The following COL24A1 variants were observed in gnomAD, a reference collection of about 807,000 sequenced individuals.
The protein encoded by COL24A1 is collagen alpha-1(XXIV) chain.
A neutral mutation model predicts 253.9 loss-of-function variants in COL24A1; 224 were observed. The ratio of observed to expected loss-of-function variants is 0.88; its 90% CI spans 0.79 to 0.99. The LOEUF is 0.99. Ranked by LOEUF, COL24A1 falls within the 50% of genes least tolerant of loss-of-function variation. The pLI is 0.00. For missense variants in COL24A1, 2,131 were observed against 2,068.5 expected, an observed-to-expected ratio of 1.03 and a Z score of -0.59; for synonymous variants, 685 against 673.7, an observed-to-expected ratio of 1.02 and a Z score of -0.26.
intron 41 of COL24A1, 75 bp downstream of exon 41, chr1:85,841,993 C>A: frequency 7.8e-7 from 1 of 1,290,070 alleles, no homozygotes; most frequent in Non-Finnish European, 1.1e-6. Context: ...GAAAATTTTT[C>A]CATGCAGTCT....
chr1:85,816,682 A>C, intron 47 of COL24A1, 106 bp downstream of exon 47: 1 of 907,252 alleles, frequency 1.1e-6, no homozygotes, highest in Non-Finnish European at 1.8e-6. Context: ...AACTGGCTTA[A>C]TCTGAGCCAA....
intron 1 of COL24A1, among the ~76,000 whole-genome samples, chr1:86,153,034 A>C (rs1487842801): frequency 6.6e-6 from 1 of 152,100 alleles, no homozygotes; most frequent in Non-Finnish European, 1.5e-5. Context: ...CTTCCCTAGA[A>C]TGTGTACTCC....
At chr1:85,830,568 A>T (rs1237104083) in intron 43 of COL24A1, among the ~76,000 whole-genome samples, 1 of 152,122 alleles carries the variant, frequency 6.6e-6, no homozygotes, top group African/African-American at 2.4e-5. Context: ...GCTAGCAATC[A>T]GCGAGACTCC....
intron 43 of COL24A1, among the ~76,000 whole-genome samples, chr1:85,824,604 T>A (rs1674019398): frequency 6.6e-6 from 1 of 152,174 alleles, no homozygotes; most frequent in Non-Finnish European, 1.5e-5. Context: ...AAACACCACA[T>A]GACTCTGACA....
chr1:85,880,319 G>T lies in COL24A1; in HGVS notation c.2977-3144C>A, dbSNP rs1474516694. 3.9e-5 allele frequency among the ~76,000 whole-genome samples: 6 copies of T among 151,974 alleles called. No individual in the cohort carries two copies. The East Asian group carries it at 1.2e-3, about 29-fold the overall frequency. On this transcript the variant is annotated intron_variant, in intron 32 of 59. Coordinates refer to ENST00000370571, the MANE Select transcript of COL24A1 (RefSeq NM_152890.7). ...TCATTTTAAATTCCAATTGCTCATTGCTGTTAATATAGAAAAGCAATTGAC... is the reference window on the plus strand; with the variant it reads ...TCATTTTAAATTCCAATTGCTCATTTCTGTTAATATAGAAAAGCAATTGAC...
chr1:85,925,439 T>C (rs1687077812), intron 24 of COL24A1, among the ~76,000 whole-genome samples: 3 of 152,136 alleles, frequency 2.0e-5, no homozygotes, highest in African/African-American at 7.2e-5. Flanking sequence ...AAGGCTACAG[T>C]AACCAAAACA....
intron 47 of COL24A1, among the ~76,000 whole-genome samples, chr1:85,813,292 A>T (rs918374145): frequency 4.6e-5 from 7 of 152,026 alleles, no homozygotes; most frequent in African/African-American, 1.7e-4. Context: ...GAGTGGGGAT[A>T]AAAAGAAGTC....
At chr1:86,153,253 A>G (rs78653115) in intron 1 of COL24A1, among the ~76,000 whole-genome samples, 7,455 of 138,868 alleles carry the variant, frequency 0.054, 254 homozygotes, top group Middle Eastern at 0.089. Flanking sequence ...TCATGTATAT[A>G]TCCTCCTCTC....
chr1:86,018,091 T>C (rs1697158281), intron 18 of COL24A1, among the ~76,000 whole-genome samples: 1 of 152,226 alleles, frequency 6.6e-6, no homozygotes. Context: ...TAGTCTGATA[T>C]ATCCATTTTC....
chr1:86,059,570 A>C (rs1177555823), intron 8 of COL24A1, among the ~76,000 whole-genome samples: 2 of 152,180 alleles, frequency 1.3e-5, no homozygotes, highest in Non-Finnish European at 2.9e-5. Context: ...CAGAAGACTA[A>C]GAGGGGCAGT....
chr1:85,898,615 T>C (rs900910328), intron 28 of COL24A1, among the ~76,000 whole-genome samples: 1 of 152,238 alleles, frequency 6.6e-6, no homozygotes, highest in East Asian at 1.9e-4. Context: ...CTTAATTTCA[T>C]AGATCAGTAT....
At chr1:85,764,047 C>G (rs527281071) in intron 53 of COL24A1, among the ~76,000 whole-genome samples, 2 of 151,888 alleles carry the variant, frequency 1.3e-5, no homozygotes, top group Non-Finnish European at 2.9e-5. Flanking sequence ...ATGTCATTTC[C>G]TTTATGTCAT....
chr1:85,982,560 C>T (rs1488443798), intron 20 of COL24A1, among the ~76,000 whole-genome samples: 1 of 151,662 alleles, frequency 6.6e-6, no homozygotes, highest in East Asian at 1.9e-4. Context: ...TATCTCTCAT[C>T]CCTCGGCTCC....
In COL24A1 at chr1:86,088,011, G is replaced by T. The variant is rs138932536; in HGVS notation, c.1707+1163C>A. Among the ~76,000 whole-genome samples, 14 of 152,292 alleles carry T rather than the reference G, an allele frequency of 9.2e-5. No individual in the cohort carries two copies. In the East Asian group the frequency reaches 2.7e-3, roughly 29 times the overall value. On this transcript the variant is annotated intron_variant, in intron 7 of 59. Coordinates refer to ENST00000370571, the MANE Select transcript of COL24A1 (RefSeq NM_152890.7). ...ACTATAGCAGGGGTTATGAAGGAAA[G>T]CAAAAGAGGCCAGCATTATTTCCAA... is the stretch of plus-strand genomic sequence containing the variant.
At chr1:85,988,232 A>G (rs1406377413) in intron 19 of COL24A1, among the ~76,000 whole-genome samples, 1 of 152,016 alleles carries the variant, frequency 6.6e-6, no homozygotes, top group Non-Finnish European at 1.5e-5. Context: ...CAAAGGCTCT[A>G]TGAACCATTA....
intron 47 of COL24A1, 27 bp downstream of exon 47, chr1:85,816,761 G>A: frequency 1.3e-6 from 2 of 1,562,120 alleles, no homozygotes; most frequent in Non-Finnish European, 8.8e-7. Flanking sequence ...AGGAAATAAT[G>A]AGCAAAGAGA....
chr1:85,804,087 C>G (rs1203783198), intron 47 of COL24A1, among the ~76,000 whole-genome samples: 2 of 151,898 alleles, frequency 1.3e-5, no homozygotes, highest in Non-Finnish European at 2.9e-5. Context: ...TATTGGTTAT[C>G]AAATAGCTTA....
chr1:85,954,097 A>AT (rs1207730092), intron 24 of COL24A1, among the ~76,000 whole-genome samples: 1 of 152,128 alleles, frequency 6.6e-6, no homozygotes, highest in African/African-American at 2.4e-5. Context: ...AATCTGAAAA[A>AT]TTTTATTAGA....
chr1:85,903,412 G>A (rs753670680), intron 28 of COL24A1, among the ~76,000 whole-genome samples: 2 of 152,158 alleles, frequency 1.3e-5, no homozygotes, highest in Non-Finnish European at 2.9e-5. Flanking sequence ...ATGGGTTACT[G>A]TATATGTCTG....
Sources: allele counts gnomAD v4.1 joint callset (sites outside exome capture counted in the v4.1 genomes callset), GRCh38; gene constraint gnomAD v4.1.1; transcripts MANE v1.5; gene names NCBI Gene and HGNC (gene_info 2026-07-23, HGNC 2026-07-21).